SLC4A4: variants seen among roughly 807,000 people sequenced by gnomAD.
SLC4A4 encodes the protein electrogenic sodium bicarbonate cotransporter 1.
Under a neutral mutation model 111.5 loss-of-function variants are expected in SLC4A4, and 27 were observed. The ratio of observed to expected loss-of-function variants is 0.24; its 90% CI spans 0.18 to 0.33. SLC4A4 has a LOEUF of 0.33. SLC4A4 is among the 10% of genes least tolerant of loss of function. SLC4A4 has a pLI of 1.00. For missense variants in SLC4A4, 909 were observed against 1,315.5 expected (o/e 0.69, Z 4.78); for synonymous variants, 443 against 463.4 (o/e 0.96, Z 0.57).
chr4:71,210,759 A>T (rs1486671097), intron 1 of SLC4A4, among the ~76,000 whole-genome samples: 3 of 152,204 alleles, frequency 2.0e-5, no homozygotes, highest in Admixed American at 2.0e-4. Context: ...TTATGTTTAT[A>T]TATTTTTCTA....
intron 15 of SLC4A4, among the ~76,000 whole-genome samples, chr4:71,487,771 G>T (rs960535982): frequency 6.6e-5 from 10 of 151,582 alleles, no homozygotes; most frequent in African/African-American, 2.4e-4. Context: ...CAGATATTAT[G>T]TAGTGAGTGC....
chr4:71,106,595 A>T (rs1180300830), intron 2 of SLC4A4, among the ~76,000 whole-genome samples: 25 of 146,758 alleles, frequency 1.7e-4, no homozygotes, highest in Non-Finnish European at 3.6e-4. Flanking sequence ...ATGCAGCCAT[A>T]AAAAATGATG....
In SLC4A4 at chr4:71,419,966, G is replaced by A. The variant is rs1275151140; in HGVS notation, c.808-20650G>A. Among the ~76,000 whole-genome samples the A allele has an allele frequency of 2.6e-5, 4 of 152,214 alleles. No homozygotes were observed. In the South Asian group the frequency reaches 6.2e-4, roughly 24 times the overall value. ...TCCAAAGGAAAGCAGTTCCTCACCA[G>A]CAGTGGAACAAAGCTGGACGGAGAA... On this transcript the variant is annotated intron_variant, in intron 7 of 25. Coordinates refer to ENST00000264485, the MANE Select transcript of SLC4A4 (RefSeq NM_001098484.3).
At chr4:71,208,443 A>AATATATAT (rs1553962713) in intron 1 of SLC4A4, among the ~76,000 whole-genome samples, 1 of 144,836 alleles carries the variant, frequency 6.9e-6, no homozygotes, top group African/African-American at 2.6e-5. Context: ...AAAAAAAAAA[A>AATATATAT]ATATATATAT....
intron 7 of SLC4A4, among the ~76,000 whole-genome samples, chr4:71,428,342 T>C (rs546047159): frequency 4.7e-4 from 72 of 152,136 alleles, no homozygotes; most frequent in African/African-American, 1.7e-3. Flanking sequence ...CCAGTCTCAG[T>C]GAGATTTAAA....
chr4:71,406,857 TA>T (rs1320195398), intron 7 of SLC4A4, among the ~76,000 whole-genome samples: 1 of 152,126 alleles, frequency 6.6e-6, no homozygotes, highest in Non-Finnish European at 1.5e-5. Context: ...CATCATTCAG[TA>T]GCTGTATCTG....
chr4:71,247,438 C>T (rs1455643363), intron 2 of SLC4A4, among the ~76,000 whole-genome samples: 1 of 151,698 alleles, frequency 6.6e-6, no homozygotes, highest in Non-Finnish European at 1.5e-5. Context: ...CTGTCTATAG[C>T]AACCAAGGAC....
chr4:71,303,981 A>G (rs975379332), intron 3 of SLC4A4, among the ~76,000 whole-genome samples: 15 of 152,174 alleles, frequency 9.9e-5, no homozygotes, highest in Non-Finnish European at 1.5e-5. Context: ...AATCCCCATA[A>G]CAATTACTTG....
At chr4:71,245,157 G>T (rs1720559005) in intron 2 of SLC4A4, among the ~76,000 whole-genome samples, 1 of 152,114 alleles carries the variant, frequency 6.6e-6, no homozygotes, top group African/African-American at 2.4e-5. Context: ...CAGAAATAAG[G>T]CTACAGTAGC....
chr4:71,422,389 G>C (rs1318451854), intron 7 of SLC4A4, among the ~76,000 whole-genome samples: 2 of 147,560 alleles, frequency 1.4e-5, no homozygotes, highest in Admixed American at 1.4e-4. Context: ...TGGATTCACA[G>C]CCGAATTCTA....
chr4:71,416,972 C>T (rs1427254302), intron 7 of SLC4A4, among the ~76,000 whole-genome samples: 1 of 152,128 alleles, frequency 6.6e-6, no homozygotes, highest in Non-Finnish European at 1.5e-5. Flanking sequence ...TTTTGGAACT[C>T]GTAAAGGCCC....
intron 3 of SLC4A4, among the ~76,000 whole-genome samples, chr4:71,337,912 C>T (rs1728564163): frequency 6.6e-6 from 1 of 152,028 alleles, no homozygotes; most frequent in South Asian, 2.1e-4. Flanking sequence ...TCACTGCAAC[C>T]TCTGTCTCCC....
At chr4:71,422,785 C>T (rs1722680597) in intron 7 of SLC4A4, among the ~76,000 whole-genome samples, 1 of 152,142 alleles carries the variant, frequency 6.6e-6, no homozygotes, top group Non-Finnish European at 1.5e-5. Context: ...CAAAATTCAA[C>T]AACCCTTCAT....
At chr4:71,392,280 G>C (rs1053211288) in intron 6 of SLC4A4, among the ~76,000 whole-genome samples, 1 of 152,092 alleles carries the variant, frequency 6.6e-6, no homozygotes, top group Non-Finnish European at 1.5e-5. Flanking sequence ...GGAAAAGCCA[G>C]ATAACCTCTT....
intron 7 of SLC4A4, among the ~76,000 whole-genome samples, chr4:71,412,561 T>G (rs1013248101): frequency 1.3e-5 from 2 of 152,206 alleles, no homozygotes; most frequent in Non-Finnish European, 2.9e-5. Flanking sequence ...TATATGAACT[T>G]TTTAAAGTCT....
intron 16 of SLC4A4, among the ~76,000 whole-genome samples, chr4:71,512,721 A>C (rs1337403877): frequency 6.6e-6 from 1 of 152,152 alleles, no homozygotes; most frequent in East Asian, 1.9e-4. Flanking sequence ...ACCAATGTCC[A>C]GGAGAATTTT....
At chr4:71,424,498 C>A (rs200978769) in intron 7 of SLC4A4, among the ~76,000 whole-genome samples, 1 of 151,942 alleles carries the variant, frequency 6.6e-6, no homozygotes, top group Non-Finnish European at 1.5e-5. Flanking sequence ...TGGGTATATA[C>A]CCAAAGGACT....
chr4:71,120,181 G>A (rs1743376608), intron 2 of SLC4A4, among the ~76,000 whole-genome samples: 1 of 152,072 alleles, frequency 6.6e-6, no homozygotes, highest in African/African-American at 2.4e-5. Flanking sequence ...TATATTAAAA[G>A]TTTATTTATA....
chr4:71,195,607 A>G (rs925398820), intron 1 of SLC4A4, among the ~76,000 whole-genome samples: 2 of 152,332 alleles, frequency 1.3e-5, no homozygotes, highest in East Asian at 3.9e-4. Flanking sequence ...ATCTGTTCTG[A>G]GTGATTTCAT....
Sources: allele counts gnomAD v4.1 joint callset (sites outside exome capture counted in the v4.1 genomes callset), GRCh38; gene constraint gnomAD v4.1.1; transcripts MANE v1.5; gene names NCBI Gene and HGNC (gene_info 2026-07-23, HGNC 2026-07-21).